Variants in NLGN1 observed in about 807,000 individuals in gnomAD.
NLGN1 encodes neuroligin-1.
In NLGN1, 12 loss-of-function variants were observed where a neutral mutation model predicts 65.5. The ratio of observed to expected loss-of-function variants is 0.18; its 90% confidence interval spans 0.12 to 0.30. The LOEUF is 0.30. Ranked by LOEUF, NLGN1 falls within the 10% of genes least tolerant of loss-of-function variation. The probability of loss-of-function intolerance (pLI) is 1.00; values close to 1 mark genes in which losing one functional copy is unlikely to be tolerated. For missense variants in NLGN1, 750 were observed against 1,007.1 expected (o/e 0.74, Z 3.46); for synonymous variants, 350 against 359.5 (o/e 0.97, Z 0.30).
At chr3:173,454,563 T>C (rs540883865) in intron 2 of NLGN1, among the ~76,000 whole-genome samples, 1 of 148,802 alleles carries the variant, frequency 6.7e-6, no homozygotes, top group African/African-American at 2.4e-5. Flanking sequence ...ACATGCACTT[T>C]TGTGTTATGG....
chr3:174,207,109 T>C (rs1735556573), intron 4 of NLGN1, among the ~76,000 whole-genome samples: 1 of 152,054 alleles, frequency 6.6e-6, no homozygotes, highest in Non-Finnish European at 1.5e-5. Context: ...TTTTTCTTTT[T>C]CTTCTTCTTC....
intron 4 of NLGN1, among the ~76,000 whole-genome samples, chr3:174,257,720 A>T (rs1746053056): frequency 6.8e-6 from 1 of 146,468 alleles, no homozygotes; most frequent in African/African-American, 2.5e-5. Flanking sequence ...GAACTAGTGG[A>T]ATATATATAT....
intron 3 of NLGN1, among the ~76,000 whole-genome samples, chr3:173,618,660 G>A (rs1753513695): frequency 6.6e-6 from 1 of 152,098 alleles, no homozygotes; most frequent in Non-Finnish European, 1.5e-5. Flanking sequence ...GATAAATGAA[G>A]GAGCATTTTG....
chr3:174,113,621 G>C (rs1715713584), intron 4 of NLGN1, among the ~76,000 whole-genome samples: 1 of 151,900 alleles, frequency 6.6e-6, no homozygotes, highest in African/African-American at 2.4e-5. Flanking sequence ...TGTGTCTTTA[G>C]AATATTCACT....
At chr3:173,597,151 T>C (rs1040450967) in intron 2 of NLGN1, among the ~76,000 whole-genome samples, 1 of 152,200 alleles carries the variant, frequency 6.6e-6, no homozygotes. Context: ...AGCATAGGAC[T>C]TTATTGAATT....
At chr3:174,244,302 G>A (rs1280281225) in intron 4 of NLGN1, among the ~76,000 whole-genome samples, 4 of 152,150 alleles carry the variant, frequency 2.6e-5, no homozygotes, top group East Asian at 1.9e-4. Context: ...TAATTTGTGG[G>A]AAGTTTAAAA....
chr3:173,902,098 C>T (rs982853000), intron 4 of NLGN1, among the ~76,000 whole-genome samples: 4 of 152,124 alleles, frequency 2.6e-5, no homozygotes, highest in Admixed American at 6.6e-5. Context: ...AATCAGTACT[C>T]ACACTTTTTC....
chr3:173,721,931 A>G (rs558364265), intron 3 of NLGN1, among the ~76,000 whole-genome samples: 2 of 105,896 alleles, frequency 1.9e-5, no homozygotes, highest in East Asian at 2.9e-4. Flanking sequence ...GGCAACATGA[A>G]TATCTGCTCG....
intron 4 of NLGN1, among the ~76,000 whole-genome samples, chr3:174,088,645 C>T (rs1743897363): frequency 2.6e-5 from 4 of 151,234 alleles, no homozygotes; most frequent in Non-Finnish European, 4.4e-5. Flanking sequence ...CCCAGCTACT[C>T]GGGAGGCTGA....
intron 4 of NLGN1, among the ~76,000 whole-genome samples, chr3:173,811,008 C>T (rs556385645): frequency 3.9e-4 from 60 of 152,266 alleles, no homozygotes; most frequent in African/African-American, 1.3e-3. Flanking sequence ...AACCTCACTC[C>T]CCAGTTTCAT....
Position 173,412,553 on chromosome 3 carries a change from A to G in NLGN1, c.-390+14066A>G, listed in dbSNP as rs1164310348. Among the ~76,000 whole-genome samples, 4 of 100,936 alleles carry G rather than the reference A, an allele frequency of 4.0e-5. No individual in the cohort carries two copies. The Admixed American group carries it at 4.7e-4, about 12-fold the overall frequency. 66.2% of individuals were successfully genotyped at this position (100,936 alleles called of 152,430 possible). A position where few individuals can be genotyped will look rare whatever the true frequency, so the allele number is the denominator to read the frequency against. ...AGTCAAATGCATAAAGTTCTGAGTGAAACTCTATCTTAATTACCACACTAA... is the reference window on the plus strand; with the variant it reads ...AGTCAAATGCATAAAGTTCTGAGTGGAACTCTATCTTAATTACCACACTAA... On this transcript the variant is annotated intron_variant, in intron 1 of 6. Coordinates refer to ENST00000457714, the Ensembl canonical transcript of NLGN1.
chr3:174,029,889 C>A (rs1445720759), intron 4 of NLGN1, among the ~76,000 whole-genome samples: 1 of 152,170 alleles, frequency 6.6e-6, no homozygotes, highest in Non-Finnish European at 1.5e-5. Flanking sequence ...TGCCTTCCAC[C>A]ATGATTGTTA....
At chr3:173,754,024 C>CTTTTTTTTTTTTTTTTTT (rs71162358) in intron 3 of NLGN1, among the ~76,000 whole-genome samples, 7 of 121,618 alleles carry the variant, frequency 5.8e-5, no homozygotes, top group South Asian at 2.6e-4. Context: ...TCTTTCTTTT[C>CTTTTTTTTTTTTTTTTTT]TTTTTTTTTT....
chr3:173,873,024 A>C (rs1055606802), intron 4 of NLGN1, among the ~76,000 whole-genome samples: 1 of 152,092 alleles, frequency 6.6e-6, no homozygotes, highest in Non-Finnish European at 1.5e-5. Flanking sequence ...GCCCAAGGTC[A>C]ATTGGGGCTG....
At chr3:173,408,902 A>G in intron 1 of NLGN1, among the ~76,000 whole-genome samples, 1 of 124,756 alleles carries the variant, frequency 8.0e-6, no homozygotes, top group African/African-American at 3.3e-5. Context: ...ACAGAGCGAG[A>G]CTCTGTCTCA....
chr3:174,270,936 A>C (rs1749278599), intron 4 of NLGN1, among the ~76,000 whole-genome samples: 1 of 151,802 alleles, frequency 6.6e-6, no homozygotes, highest in Non-Finnish European at 1.5e-5. Context: ...CCAAGTCCCT[A>C]GAAGGACGTC....
chr3:173,859,093 C>T (rs1222303164), intron 4 of NLGN1, among the ~76,000 whole-genome samples: 1 of 151,446 alleles, frequency 6.6e-6, no homozygotes, highest in Non-Finnish European at 1.5e-5. Context: ...TCCCTTTGCA[C>T]GTCAATAAAA....
intron 3 of NLGN1, among the ~76,000 whole-genome samples, chr3:173,646,133 A>G (rs1351136671): frequency 6.6e-6 from 1 of 152,120 alleles, no homozygotes; most frequent in East Asian, 1.9e-4. Context: ...ACACTCAGAC[A>G]CTTAGGTAGA....
At chr3:174,006,028 AC>A (rs1164187927) in intron 4 of NLGN1, among the ~76,000 whole-genome samples, 1 of 151,744 alleles carries the variant, frequency 6.6e-6, no homozygotes, top group African/African-American at 2.4e-5. Flanking sequence ...CTCTGCCTTC[AC>A]CCCCTCCAAA....
Sources: gnomAD v4.1 joint callset for allele counts (sites outside exome capture counted in the v4.1 genomes callset) on GRCh38, gnomAD v4.1.1 for gene constraint, MANE v1.5 for transcripts, NCBI Gene and HGNC (gene_info 2026-07-23, HGNC 2026-07-21) for gene names.